AGBL1: variants seen among roughly 807,000 people sequenced by gnomAD.
The protein encoded by AGBL1 is AGBL carboxypeptidase 1.
Under a neutral mutation model 118.9 loss-of-function variants are expected in AGBL1, and 130 were observed. The observed-to-expected ratio is 1.09, with a 90% CI of 0.95 to 1.26. The LOEUF is 1.26. AGBL1 is among the 50% of genes most tolerant of loss of function. The pLI, the probability that AGBL1 is intolerant of heterozygous loss-of-function variation, is 0.00. For synonymous variants in AGBL1, 555 were observed against 478.9 expected (o/e 1.16, Z -2.08); for missense variants, 1,584 against 1,298.1 (o/e 1.22, Z -3.38).
chr15:86,473,782 T>G (rs1033254613), intron 18 of AGBL1, among the ~76,000 whole-genome samples: 1 of 152,228 alleles, frequency 6.6e-6, no homozygotes, highest in African/African-American at 2.4e-5. Flanking sequence ...GTTGCACTGT[T>G]GCCAACGTTT....
intron 24 of AGBL1, among the ~76,000 whole-genome samples, chr15:87,014,384 C>A (rs1004989092): frequency 1.3e-5 from 2 of 152,140 alleles, no homozygotes; most frequent in Non-Finnish European, 2.9e-5. Flanking sequence ...AGAGGAAGGG[C>A]AGAGGACTTT....
At chr15:86,401,293 T>C (rs1159856532) in intron 18 of AGBL1, among the ~76,000 whole-genome samples, 2 of 152,114 alleles carry the variant, frequency 1.3e-5, no homozygotes, top group Non-Finnish European at 2.9e-5. Flanking sequence ...TGACCAGTTT[T>C]TGATGGGATT....
intron 1 of AGBL1, among the ~76,000 whole-genome samples, chr15:86,085,570 T>A (rs1018027953): frequency 2.6e-5 from 4 of 152,162 alleles, no homozygotes; most frequent in Non-Finnish European, 5.9e-5. Flanking sequence ...CTGTTTTAAT[T>A]CCCCATTCCT....
At chr15:86,545,858 G>T in intron 19 of AGBL1, 144 bp from the exon 20 acceptor site, 5 of 927,858 alleles carry the variant, frequency 5.4e-6, no homozygotes, top group Non-Finnish European at 8.0e-6. Flanking sequence ...GCACATGGCT[G>T]GTCTGCTAAC....
rs532383798 is a variant in AGBL1 at position 86,625,033 on chromosome 15, GC to G, written c.2995-49236del. On this transcript the variant is annotated intron_variant, in intron 21 of 22. Transcript: ENST00000614907. ...TGAGTGAGATGAAGGACTGGTGACA[GC>G]CCCACACCCACGCAGCACCGGCTCC... Among the ~76,000 whole-genome samples the G allele has an allele frequency of 1.6e-4, 25 of 152,306 alleles. No homozygotes were observed. The East Asian group carries it at 3.7e-3, about 22-fold the overall frequency.
intron 18 of AGBL1, among the ~76,000 whole-genome samples, chr15:86,410,715 C>T (rs1241895418): frequency 1.4e-5 from 2 of 142,748 alleles, no homozygotes; most frequent in East Asian, 4.2e-4. Context: ...TCCTGCTTTT[C>T]ATTTTTTAGT....
intron 22 of AGBL1, among the ~76,000 whole-genome samples, chr15:86,862,486 G>A (rs548851238): frequency 5.8e-4 from 89 of 152,270 alleles, no homozygotes; most frequent in Middle Eastern, 3.4e-3. Flanking sequence ...TTGGGAGGCC[G>A]AGGCGGGCGG....
At chr15:86,356,352 G>C (rs1266192266) in intron 17 of AGBL1, among the ~76,000 whole-genome samples, 3 of 151,242 alleles carry the variant, frequency 2.0e-5, no homozygotes, top group Non-Finnish European at 4.4e-5. Context: ...GTGTGTGTGT[G>C]TGTGCGCGTG....
At chr15:86,935,839 G>A (rs994112266) in intron 23 of AGBL1, among the ~76,000 whole-genome samples, 6 of 152,254 alleles carry the variant, frequency 3.9e-5, no homozygotes, top group African/African-American at 1.4e-4. Context: ...GATTAGAAAT[G>A]TGCCTGTAAA....
At chr15:86,175,491 A>G (rs1325317067) in intron 5 of AGBL1, among the ~76,000 whole-genome samples, 1 of 151,694 alleles carries the variant, frequency 6.6e-6, no homozygotes, top group African/African-American at 2.4e-5. Flanking sequence ...TTTAGTCTCT[A>G]TTTCATTTAG....
chr15:86,328,019 T>C (rs2080211054), intron 17 of AGBL1, among the ~76,000 whole-genome samples: 1 of 152,250 alleles, frequency 6.6e-6, no homozygotes, highest in African/African-American at 2.4e-5. Context: ...AGCCTCTGTT[T>C]TCCTCTTTCT....
At chr15:87,027,262 T>C (rs1018599609) in intron 24 of AGBL1, among the ~76,000 whole-genome samples, 2 of 151,950 alleles carry the variant, frequency 1.3e-5, no homozygotes, top group African/African-American at 4.8e-5. Context: ...ATGGGTATTA[T>C]TAAAAAGTTA....
intron 23 of AGBL1, among the ~76,000 whole-genome samples, chr15:86,941,087 T>A (rs1221428853): frequency 6.6e-6 from 1 of 152,232 alleles, no homozygotes; most frequent in East Asian, 1.9e-4. Flanking sequence ...TCTTTGGTCC[T>A]ATGCGTGCTG....
chr15:86,092,675 A>C (rs1350918571), intron 1 of AGBL1, among the ~76,000 whole-genome samples: 3 of 152,088 alleles, frequency 2.0e-5, no homozygotes, highest in African/African-American at 7.2e-5. Context: ...ATTGGCTCAT[A>C]GTTCTAGAGC....
At chr15:86,743,417 A>G (rs981140076) in intron 22 of AGBL1, among the ~76,000 whole-genome samples, 8 of 152,066 alleles carry the variant, frequency 5.3e-5, no homozygotes, top group African/African-American at 1.9e-4. Context: ...TCATCCTTAC[A>G]GCTTCTCAGA....
intron 17 of AGBL1, among the ~76,000 whole-genome samples, chr15:86,386,476 T>C (rs1023688889): frequency 1.3e-5 from 2 of 150,592 alleles, no homozygotes; most frequent in Non-Finnish European, 3.0e-5. Context: ...TATGGAAAAT[T>C]ATATGGAATG....
chr15:86,613,380 A>G lies in AGBL1; in HGVS notation c.2994+58843A>G, dbSNP rs1035455589. Among the ~76,000 whole-genome samples, 1 of 152,138 alleles carries G rather than the reference A, an allele frequency of 6.6e-6. No homozygotes were observed. The highest frequency in any genetic ancestry group is 2.4e-5 in the African/African-American group (1 of 41,436). ...CAGTAGGACACCGGTTGGTGCGTGG[A>G]CAGTTAGTGGGTGAGAAGACAGTGT... is the stretch of plus-strand genomic sequence containing the variant. On this transcript the variant is annotated intron_variant, in intron 21 of 22. Coordinates refer to ENST00000614907, the MANE Select transcript of AGBL1 (RefSeq NM_001386094.1). The surrounding 1 kb of genome is among the most constrained non-coding windows in gnomAD (Gnocchi z 4.2).
intron 17 of AGBL1, among the ~76,000 whole-genome samples, chr15:86,334,878 G>A (rs2080338151): frequency 6.6e-6 from 1 of 151,892 alleles, no homozygotes; most frequent in Non-Finnish European, 1.5e-5. Context: ...GATGAAAGAA[G>A]CAATAAAAAT....
chr15:86,147,861 G>T (rs953101828), intron 3 of AGBL1, among the ~76,000 whole-genome samples: 1 of 152,150 alleles, frequency 6.6e-6, no homozygotes, highest in Non-Finnish European at 1.5e-5. Context: ...AGTAGGGGCC[G>T]ACTGACACCT....
Sources: allele counts gnomAD v4.1 joint callset (sites outside exome capture counted in the v4.1 genomes callset), GRCh38; gene constraint gnomAD v4.1.1; non-coding constraint Gnocchi (gnomAD v3.1); transcripts MANE v1.5; gene names NCBI Gene and HGNC (gene_info 2026-07-23, HGNC 2026-07-21).